The following MRPL1 variants were observed in gnomAD, a reference collection of about 807,000 sequenced individuals.
The protein encoded by MRPL1 is mitochondrial ribosomal protein L1, also known as large ribosomal subunit protein uL1m.
In MRPL1, 28 loss-of-function variants were observed where a neutral mutation model predicts 38.0. The observed-to-expected ratio is 0.74, with a 90% CI of 0.55 to 1.01. MRPL1 has a LOEUF of 1.01. Among genes scored for constraint, MRPL1 ranks in the 50% least tolerant of loss-of-function variants. MRPL1 has a pLI of 0.00. For synonymous variants in MRPL1, 123 were observed against 126.7 expected (o/e 0.97, Z 0.20); for missense variants, 358 against 389.8 (o/e 0.92, Z 0.69).
At chr4:77,896,630 A>G (rs1735921116) in intron 6 of MRPL1, among the ~76,000 whole-genome samples, 1 of 152,266 alleles carries the variant, frequency 6.6e-6, no homozygotes, top group African/African-American at 2.4e-5. Flanking sequence ...TCTTTAGTGT[A>G]AAATAGAAAT....
chr4:77,874,938 C>G (rs534250754), intron 2 of MRPL1, among the ~76,000 whole-genome samples: 1 of 151,750 alleles, frequency 6.6e-6, no homozygotes, highest in Non-Finnish European at 1.5e-5. Context: ...CACGCCACAA[C>G]GCCCGGCTAA....
intron 6 of MRPL1, among the ~76,000 whole-genome samples, chr4:77,903,132 A>G (rs745622584): frequency 6.6e-6 from 1 of 152,220 alleles, no homozygotes; most frequent in African/African-American, 2.4e-5. Flanking sequence ...ATCCAGCAAT[A>G]TATATGTACA....
intron 7 of MRPL1, among the ~76,000 whole-genome samples, chr4:77,941,394 G>T (rs1301850957): frequency 6.6e-6 from 1 of 152,160 alleles, no homozygotes; most frequent in Non-Finnish European, 1.5e-5. Context: ...GAACAATTTA[G>T]GGAAGATTCC....
At chr4:77,868,753 A>T (rs75104319) in intron 1 of MRPL1, among the ~76,000 whole-genome samples, 6,278 of 152,266 alleles carry the variant, frequency 0.041, 210 homozygotes, top group South Asian at 0.087. Flanking sequence ...AGATTATGAA[A>T]ATTCTTAGGT....
At chr4:77,888,507 AAAAT>A (rs1210783378) in intron 5 of MRPL1, among the ~76,000 whole-genome samples, 9 of 152,286 alleles carry the variant, frequency 5.9e-5, no homozygotes, top group Admixed American at 3.3e-4. Context: ...TGTCTCCAAA[AAAAT>A]AAATAAATAA....
chr4:77,883,265 G>T lies in MRPL1; in HGVS notation c.167G>T (p.Gly56Val), dbSNP rs141558413. 234 of 1,580,360 alleles carry T rather than the reference G, an allele frequency of 1.5e-4. No individual in the cohort carries two copies. In the African/African-American group the frequency reaches 2.8e-3, roughly 19 times the overall value. The stretch of plus-strand genomic sequence containing the variant: ...AGGTCTGCAAAGAAAACAAAAAAAG[G>T]TGCTAAAGAAAAAACACCAGATGAG... ...ATKSAKKTKK[G>V]AKEKTPDEKK... Residue 56 changes from glycine to valine, a missense_variant, in exon 3 of 9, where the codon GGT becomes GTT. Physicochemically the swap from Gly to Val is moderately radical, Grantham distance 109 (BLOSUM62 -3). Coordinates refer to ENST00000315567, the MANE Select transcript of MRPL1 (RefSeq NM_020236.4).
At chr4:77,871,257 A>C (rs1233508167) in intron 1 of MRPL1, among the ~76,000 whole-genome samples, 1 of 151,732 alleles carries the variant, frequency 6.6e-6, no homozygotes, top group Non-Finnish European at 1.5e-5. Flanking sequence ...TTCAAATATT[A>C]GATGTATTTA....
At chr4:77,913,914 A>G (rs1736354447) in intron 7 of MRPL1, among the ~76,000 whole-genome samples, 1 of 152,224 alleles carries the variant, frequency 6.6e-6, no homozygotes, top group Non-Finnish European at 1.5e-5. Context: ...AATGCAAACT[A>G]ATGTATGATG....
In MRPL1 at chr4:77,885,342, G is replaced by C; in HGVS notation, c.486+3G>C. 1 of 1,604,108 alleles carries C rather than the reference G, an allele frequency of 6.2e-7. No homozygotes were observed. Among genetic ancestry groups the C allele is most frequent in the Non-Finnish European group, 8.5e-7 (1 of 1,171,044 alleles). ...ATAAAGTTGCTGTATTTACAGAGGT[G>C]AGTAACTTCCGTCAACTATTTATAT... On this transcript the variant is annotated splice_donor_region_variant and intron_variant, in intron 4 of 8. Coordinates refer to ENST00000315567, the MANE Select transcript of MRPL1 (RefSeq NM_020236.4).
chr4:77,886,631 C>G (rs1314455587), intron 4 of MRPL1, among the ~76,000 whole-genome samples: 3 of 151,792 alleles, frequency 2.0e-5, no homozygotes, highest in Non-Finnish European at 2.9e-5. Context: ...CCATACCCAG[C>G]CTGGCAGGCT....
intron 7 of MRPL1, among the ~76,000 whole-genome samples, chr4:77,931,354 A>T (rs533822187): frequency 1.3e-5 from 2 of 152,328 alleles, no homozygotes; most frequent in Non-Finnish European, 2.9e-5. Context: ...GCTGCTAAGG[A>T]CATTTGTTGT....
At chr4:77,911,462 T>A (rs1560468052) in intron 7 of MRPL1, among the ~76,000 whole-genome samples, 1 of 152,056 alleles carries the variant, frequency 6.6e-6, no homozygotes, top group Non-Finnish European at 1.5e-5. Flanking sequence ...ATTATGTGTT[T>A]AAAGAGTTTT....
chr4:77,941,936 G>A (rs1737140193), intron 7 of MRPL1, among the ~76,000 whole-genome samples: 1 of 151,752 alleles, frequency 6.6e-6, no homozygotes, highest in South Asian at 2.1e-4. Context: ...GTTTATTCTT[G>A]TTTCTCTAGT....
chr4:77,883,084 A>C (rs913417844), intron 2 of MRPL1, among the ~76,000 whole-genome samples, 158 bp from the exon 3 acceptor site: 9 of 152,140 alleles, frequency 5.9e-5, no homozygotes, highest in African/African-American at 2.2e-4. Context: ...AGTTCACTTC[A>C]TGTTTGTTGA....
chr4:77,864,713 G>A (rs1735087169), intron 1 of MRPL1: 1 of 151,932 alleles, frequency 6.6e-6, no homozygotes, highest in Non-Finnish European at 1.5e-5. Context: ...AAACCCCCAG[G>A]GATACAATGA....
At chr4:77,949,493 T>C (rs1737357095) in intron 7 of MRPL1, among the ~76,000 whole-genome samples, 1 of 152,168 alleles carries the variant, frequency 6.6e-6, no homozygotes, top group Admixed American at 6.5e-5. Context: ...GGGGTGCGTG[T>C]AGGGAATGAT....
chr4:77,941,267 G>GAAA (rs76939382), intron 7 of MRPL1, among the ~76,000 whole-genome samples: 3 of 128,016 alleles, frequency 2.3e-5, no homozygotes, highest in African/African-American at 8.4e-5. Context: ...CTCTGCCTCA[G>GAAA]AAAAAAAAAA....
chr4:77,926,953 T>G lies in MRPL1; in HGVS notation c.777+17581T>G, dbSNP rs1286258086. ...TTGTTTTCAGGTTTCTCTTCTGTCT[T>G]CCTCTCTCCCATGTTCTCTTTACCT... On this transcript the variant is annotated intron_variant, in intron 7 of 8. Transcript: ENST00000315567. Among the ~76,000 whole-genome samples, 10 of 152,186 alleles carry G rather than the reference T, an allele frequency of 6.6e-5. No individual in the cohort carries two copies. The East Asian group carries it at 1.9e-3, about 29-fold the overall frequency.
At chr4:77,937,191 C>T (rs973154070) in intron 7 of MRPL1, among the ~76,000 whole-genome samples, 6 of 152,010 alleles carry the variant, frequency 3.9e-5, no homozygotes, top group African/African-American at 1.4e-4. Flanking sequence ...CATTCTCTTT[C>T]AACTGTGCCC....
Sources: gnomAD v4.1 joint callset for allele counts (sites outside exome capture counted in the v4.1 genomes callset) on GRCh38, gnomAD v4.1.1 for gene constraint, MANE v1.5 for transcripts, NCBI Gene and HGNC (gene_info 2026-07-23, HGNC 2026-07-21) for gene names.